SNX8: variants seen among roughly 807,000 people sequenced by gnomAD.
SNX8 encodes sorting nexin-8.
In SNX8, 25 loss-of-function variants were observed where a neutral mutation model predicts 51.6. The observed-to-expected ratio is 0.48, with a 90% CI of 0.35 to 0.68. The LOEUF (loss-of-function observed/expected upper bound fraction) is 0.68. Ranked by LOEUF, SNX8 falls within the 30% of genes least tolerant of loss-of-function variation. The probability of loss-of-function intolerance (pLI) is 0.00; values close to 1 mark genes in which losing one functional copy is unlikely to be tolerated. For synonymous variants in SNX8, 324 were observed against 277.0 expected, an observed-to-expected ratio of 1.17 and a Z score of -1.68; for missense variants, 695 against 624.0, an observed-to-expected ratio of 1.11 and a Z score of -1.21.
At chr7:2,300,145 A>T (rs1796359852) in intron 1 of SNX8, among the ~76,000 whole-genome samples, 1 of 152,196 alleles carries the variant, frequency 6.6e-6, no homozygotes, top group Admixed American at 6.6e-5. Context: ...CTGAACACGA[A>T]GACCTAGTTT....
chr7:2,262,609 T>C (rs1368265577), intron 7 of SNX8, among the ~76,000 whole-genome samples: 3 of 152,182 alleles, frequency 2.0e-5, no homozygotes, highest in Non-Finnish European at 2.9e-5. Flanking sequence ...AACTATCTGG[T>C]CCACCCAGGA....
rs190161772 is a variant in SNX8, at chr7:2,258,244, C to T, written c.916-441G>A. On this transcript the variant is annotated intron_variant, in intron 7 of 10. Transcript: ENST00000222990. Reference sequence around the variant, plus strand: ...TGTTAGCGAGGATGGTCTTGATCTCCAGACCTCGTGATCCGCCCGCCTCGG... The same window carrying T: ...TGTTAGCGAGGATGGTCTTGATCTCTAGACCTCGTGATCCGCCCGCCTCGG... 2.2e-3 allele frequency among the ~76,000 whole-genome samples: 338 copies of T among 152,182 alleles called. 3 individuals carry two copies. Among genetic ancestry groups the T allele is most frequent in the Middle Eastern group, 3.4e-3 (1 of 294 alleles).
In SNX8 at chr7:2,352,793, G is replaced by A. The variant is rs182338986; in HGVS notation, c.-66+1429C>T. ...GGAGCTTGCAGTGAGCCGAGATCGT[G>A]CCACTGCACTCCAGCCTAGGCGACA... On this transcript the variant is annotated intron_variant, in intron 1 of 5. Coordinates refer to the SNX8 transcript ENST00000435336. 1.0e-3 allele frequency among the ~76,000 whole-genome samples: 153 copies of A among 151,952 alleles called. 1 individual carries two copies. The highest frequency in any genetic ancestry group is 3.3e-3 in the Admixed American group (50 of 15,244).
At chr7:2,302,520 C>A (rs925577539) in intron 1 of SNX8, among the ~76,000 whole-genome samples, 2 of 152,232 alleles carry the variant, frequency 1.3e-5, no homozygotes, top group Non-Finnish European at 2.9e-5. Flanking sequence ...TGCCCGGCCA[C>A]CACCCCGTCT....
rs543712548 is a variant in SNX8 at position 2,252,555 on chromosome 7, C to A, written c.*2501G>T. ...AGTGCCCACCCCTCCACAGAGCCAA[C>A]CCCAGGGCACACAGGAAGCAGCCAC... is the stretch of plus-strand genomic sequence containing the variant. On this transcript the variant is annotated 3_prime_UTR_variant, in exon 11 of 11. Coordinates refer to ENST00000222990, the MANE Select transcript of SNX8 (RefSeq NM_013321.4). 6.5e-6 allele frequency: 1 copy of A among 152,816 alleles called. No homozygotes were observed. Among genetic ancestry groups the A allele is most frequent in the Admixed American group, 6.5e-5 (1 of 15,276 alleles). The allele number at this position is 152,816 out of a possible 1,614,324, so 9.5% of individuals were successfully genotyped here.
In SNX8 at chr7:2,271,891, C is replaced by T. The variant is rs747898901; in HGVS notation, c.499G>A (p.Glu167Lys). 5.0e-6 allele frequency: 8 copies of T among 1,613,392 alleles called. No individual in the cohort carries two copies. In the East Asian group the frequency reaches 8.9e-5, roughly 18 times the overall value. Residue 167 changes from glutamate to lysine, a missense_variant, in exon 4 of 11, where the codon GAG becomes AAG. Glu to Lys is a moderately conservative substitution (Grantham distance 56). Transcript: ENST00000222990. ...NLVARHPLFS[E>K]DVVLKLFLSF... Reference sequence around the variant, plus strand: ...AGGAAGAGCTTGAGGACCACATCCTCGGAGAACAGGGGGTGTCGCGCCACC... The same window carrying T: ...AGGAAGAGCTTGAGGACCACATCCTTGGAGAACAGGGGGTGTCGCGCCACC...
chr7:2,274,343 G>A (rs775005501), intron 3 of SNX8, among the ~76,000 whole-genome samples: 11 of 152,366 alleles, frequency 7.2e-5, no homozygotes, highest in Non-Finnish European at 1.0e-4. Flanking sequence ...CTGCGTCCCC[G>A]TCCAGGACAC....
intron 1 of SNX8, among the ~76,000 whole-genome samples, chr7:2,353,485 T>C (rs1254614163): frequency 6.6e-6 from 1 of 152,104 alleles, no homozygotes; most frequent in Admixed American, 6.6e-5. Flanking sequence ...TCTCGCTATG[T>C]TGCCCTGACT....
chr7:2,339,028 C>T (rs1303500278), intron 1 of SNX8, among the ~76,000 whole-genome samples: 1 of 152,022 alleles, frequency 6.6e-6, no homozygotes, highest in African/African-American at 2.4e-5. Flanking sequence ...CCTCCAACCT[C>T]AGCCTCCCCA....
chr7:2,309,709 C>A (rs562331071), intron 1 of SNX8: 6 of 447,240 alleles, frequency 1.3e-5, no homozygotes, highest in South Asian at 8.2e-5. Flanking sequence ...CCAGCCTGGA[C>A]AACAAGAGCG....
chr7:2,323,165 A>T (rs1440567763), intron 1 of SNX8, among the ~76,000 whole-genome samples: 10 of 151,954 alleles, frequency 6.6e-5, no homozygotes, highest in Non-Finnish European at 1.0e-4. Context: ...CCCCATTCCT[A>T]CTAAAAATAC....
intron 1 of SNX8, chr7:2,299,396 C>T (rs1796344596): frequency 6.6e-6 from 1 of 152,082 alleles, no homozygotes; most frequent in Admixed American, 6.6e-5. Flanking sequence ...CAAGCGGAGC[C>T]AGCCAAGGAC....
In SNX8 at chr7:2,314,389, C is replaced by G. The variant is rs1796719514; in HGVS notation, c.33G>C (p.Ala11=). Residue 11 remains alanine, a synonymous_variant, in exon 1 of 11, where the codon GCG becomes GCC. Coordinates refer to ENST00000222990, the MANE Select transcript of SNX8 (RefSeq NM_013321.4). MTGRAMDPLP[A]AAVGAAAEAE... Reference sequence around the variant, plus strand: ...CCTCAGCTGCCGCCCCGACTGCAGCCGCGGGCAGCGGGTCCATCGCGCGGC... The same window carrying G: ...CCTCAGCTGCCGCCCCGACTGCAGCGGCGGGCAGCGGGTCCATCGCGCGGC... The G allele has an allele frequency of 2.5e-6, 3 of 1,221,250 alleles. No homozygotes were observed. The highest frequency in any genetic ancestry group is 3.1e-6 in the Non-Finnish European group (3 of 980,892). The allele number at this position is 1,221,250 out of a possible 1,614,324, so 75.7% of individuals were successfully genotyped here.
intron 1 of SNX8, chr7:2,309,794 A>G (rs892175150): frequency 8.5e-6 from 4 of 470,912 alleles, no homozygotes; most frequent in Non-Finnish European, 1.3e-5. Context: ...GTATTCACAC[A>G]GAGAACAGAC....
intron 3 of SNX8, among the ~76,000 whole-genome samples, chr7:2,274,710 C>T (rs1306764826): frequency 1.3e-5 from 2 of 152,248 alleles, no homozygotes; most frequent in African/African-American, 4.8e-5. Flanking sequence ...GCCCATGGCT[C>T]AGGCTGCCAT....
chr7:2,326,095 G>A (rs1341863712), intron 1 of SNX8, among the ~76,000 whole-genome samples: 1 of 152,176 alleles, frequency 6.6e-6, no homozygotes, highest in Non-Finnish European at 1.5e-5. Context: ...AAATCAGCCA[G>A]GCACGGTGGC....
In SNX8 at chr7:2,257,573, G is replaced by A. The variant is rs1235413768; in HGVS notation, c.985-59C>T. On this transcript the variant is annotated intron_variant, in intron 8 of 10. Transcript: ENST00000222990. ...TGGATGCCTGCGCCAGGGCCCTGCG[G>A]AGCCGGCCGAGGGAAGCACCCCCGC... The A allele has an allele frequency of 2.5e-6, 4 of 1,590,770 alleles. No individual in the cohort carries two copies. The South Asian group carries it at 3.3e-5, about 13-fold the overall frequency.
At chr7:2,327,486 C>T (rs1778643256) in intron 1 of SNX8, among the ~76,000 whole-genome samples, 1 of 152,068 alleles carries the variant, frequency 6.6e-6, no homozygotes, top group Non-Finnish European at 1.5e-5. Flanking sequence ...CGGCTCACTG[C>T]AAGCTCCGCA....
At chr7:2,328,032 AT>A (rs1778657836) in intron 1 of SNX8, among the ~76,000 whole-genome samples, 1 of 150,836 alleles carries the variant, frequency 6.6e-6, no homozygotes, top group South Asian at 2.1e-4. Flanking sequence ...TGTCCAACCT[AT>A]TTTTTTATTT....
Sources: allele counts gnomAD v4.1 joint callset (sites outside exome capture counted in the v4.1 genomes callset), GRCh38; gene constraint gnomAD v4.1.1; transcripts MANE v1.5; gene names NCBI Gene and HGNC (gene_info 2026-07-23, HGNC 2026-07-21).